Variants in UBN1 observed in about 807,000 individuals in gnomAD.
UBN1 encodes the protein ubinuclein-1.
In UBN1, 17 loss-of-function variants were observed where a neutral mutation model predicts 108.5. The ratio of observed to expected loss-of-function variants is 0.16; its 90% confidence interval spans 0.11 to 0.24. The LOEUF (loss-of-function observed/expected upper bound fraction) is 0.24. UBN1 is among the 10% of genes least tolerant of loss of function. UBN1 has a pLI of 1.00. For synonymous variants in UBN1, 726 were observed against 564.2 expected (o/e 1.29, Z -4.07); for missense variants, 1,595 against 1,394.4 (o/e 1.14, Z -2.29).
intron 6 of UBN1, 87 bp downstream of exon 6, chr16:4,860,055 T>C (rs1471243396): frequency 1.3e-5 from 20 of 1,554,274 alleles, no homozygotes; most frequent in Admixed American, 3.8e-5. Context: ...TCCCCACAGC[T>C]TCGGAAGAGG....
chr16:4,855,314 TAAA>T (rs1201842527), intron 2 of UBN1, among the ~76,000 whole-genome samples: 1 of 152,008 alleles, frequency 6.6e-6, no homozygotes, highest in Non-Finnish European at 1.5e-5. Flanking sequence ...TTCCTGAGAT[TAAA>T]AAAATGTGTT....
rs141416447 is a variant in UBN1, at chr16:4,851,795, C to T, written c.-39-1084C>T. On this transcript the variant is annotated intron_variant, in intron 1 of 17. Transcript: ENST00000262376. The stretch of plus-strand genomic sequence containing the variant: ...TGTGATTGGGCCACTGCTCTCTAGC[C>T]TGGATATAACAGCGAGACCCTAGCT... Among the ~76,000 whole-genome samples the T allele has an allele frequency of 2.6e-3, 401 of 151,786 alleles. 1 individual carries two copies. Among genetic ancestry groups the T allele is most frequent in the African/African-American group, 9.1e-3 (376 of 41,368 alleles).
Position 4,870,931 on chromosome 16 carries a change from A to G in UBN1, c.1518A>G (p.Ile506Met), listed in dbSNP as rs765910269. The G allele has an allele frequency of 6.2e-7, 1 of 1,614,114 alleles. No homozygotes were observed. The highest frequency in any genetic ancestry group is 1.7e-5 in the Admixed American group (1 of 60,026). The part of the protein sequence containing the change: ...EEDEEKGGRR[I>M]MGPRKKFQWN... ...ATGAAGAAAAAGGGGGCAGGAGGAT[A>G]ATGGGACCTCGGAAGAAGTTCCAAT... is the stretch of plus-strand genomic sequence containing the variant. The change falls in exon 11 of 18, where the codon ATA (isoleucine) becomes ATG (methionine). Residue 506 changes from isoleucine (I) to methionine (M), a missense_variant. Physicochemically the swap from Ile to Met is conservative, Grantham distance 10. Coordinates refer to ENST00000262376, the MANE Select transcript of UBN1 (RefSeq NM_001079514.3).
chr16:4,849,949 C>CAAAAAAAA (rs751842571), intron 1 of UBN1, among the ~76,000 whole-genome samples: 13,682 of 71,238 alleles, frequency 0.19, 1,574 homozygotes, highest in Admixed American at 0.26. Flanking sequence ...AACTGTCTCA[C>CAAAAAAAA]AAAAAAAAAA....
At chr16:4,853,310 A>G (rs1286177398) in intron 2 of UBN1, 144 bp downstream of exon 2, 7 of 1,170,160 alleles carry the variant, frequency 6.0e-6, no homozygotes, top group Middle Eastern at 2.9e-4. Flanking sequence ...GGCAAGCACA[A>G]GATTTGCTTC....
chr16:4,854,880 G>A (rs1051928637), intron 2 of UBN1, among the ~76,000 whole-genome samples: 20 of 151,906 alleles, frequency 1.3e-4, no homozygotes, highest in African/African-American at 3.9e-4. Context: ...CCGCCACCAC[G>A]TCTGGTTAAT....
chr16:4,859,356 C>T (rs1195016523), intron 5 of UBN1, among the ~76,000 whole-genome samples, 197 bp downstream of exon 5: 3 of 152,168 alleles, frequency 2.0e-5, no homozygotes, highest in Non-Finnish European at 2.9e-5. Context: ...CTCTGTTCAG[C>T]ACTTGGTCAT....
intron 3 of UBN1, 95 bp downstream of exon 3, chr16:4,858,171 G>T (rs1410420213): frequency 2.4e-6 from 2 of 841,514 alleles, no homozygotes; most frequent in Non-Finnish European, 3.9e-6. Flanking sequence ...AATAAACACT[G>T]ATCTGGAAGT....
intron 7 of UBN1, among the ~76,000 whole-genome samples, chr16:4,864,075 C>CTTTTTTTTTTTTTT (rs796516323): frequency 1.2e-5 from 1 of 86,430 alleles, no homozygotes; most frequent in African/African-American, 5.0e-5. Context: ...TTGTTGTTGC[C>CTTTTTTTTTTTTTT]TTTTTTTTTT....
In UBN1 at chr16:4,853,100, G is replaced by A. The variant is rs775415882; in HGVS notation, c.183G>A (p.Glu61=). The A allele has an allele frequency of 1.9e-6, 3 of 1,614,236 alleles. No individual in the cohort carries two copies. The highest frequency in any genetic ancestry group is 2.5e-6 in the Non-Finnish European group (3 of 1,180,050). ...AACCAGATCACAAACGCTGCCCAGAGTTCTTCTACCCAGAGCTGGTGAAGA... is the reference window on the plus strand; with the variant it reads ...AACCAGATCACAAACGCTGCCCAGAATTCTTCTACCCAGAGCTGGTGAAGA... ...LFEPDHKRCP[E]FFYPELVKNI... Residue 61 remains glutamate, a synonymous_variant, in exon 2 of 18, where the codon GAG becomes GAA. Coordinates refer to ENST00000262376, the MANE Select transcript of UBN1 (RefSeq NM_001079514.3).
intron 8 of UBN1, among the ~76,000 whole-genome samples, chr16:4,869,823 C>T (rs1210952751): frequency 6.6e-6 from 1 of 152,096 alleles, no homozygotes; most frequent in African/African-American, 2.4e-5. Flanking sequence ...GGTTGATAAA[C>T]GTGGGGACTG....
At chr16:4,856,151 T>C (rs1374971897) in intron 2 of UBN1, among the ~76,000 whole-genome samples, 6 of 152,220 alleles carry the variant, frequency 3.9e-5, no homozygotes, top group Non-Finnish European at 8.8e-5. Context: ...TTAATGTGTT[T>C]ATTCATGGGT....
chr16:4,861,978 A>G (rs1177728541), intron 7 of UBN1, among the ~76,000 whole-genome samples: 8 of 152,242 alleles, frequency 5.3e-5, no homozygotes, highest in African/African-American at 4.8e-5. Flanking sequence ...TTTAGGATCT[A>G]GCAGCTCTTG....
chr16:4,857,666 C>G (rs778477091), intron 2 of UBN1, among the ~76,000 whole-genome samples: 1 of 152,138 alleles, frequency 6.6e-6, no homozygotes, highest in Non-Finnish European at 1.5e-5. Flanking sequence ...TTAAGAGTTA[C>G]AAAGGAAGTC....
intron 10 of UBN1, 73 bp downstream of exon 10, chr16:4,870,707 C>G: frequency 6.3e-7 from 1 of 1,592,020 alleles, no homozygotes; most frequent in Non-Finnish European, 8.6e-7. Context: ...TCGGTGTGTA[C>G]TGCCGTTTCC....
intron 7 of UBN1, among the ~76,000 whole-genome samples, chr16:4,867,793 T>C (rs1321958224): frequency 1.3e-5 from 2 of 152,054 alleles, no homozygotes; most frequent in Non-Finnish European, 2.9e-5. Flanking sequence ...GGGTTAGCAG[T>C]GTCTGCAATT....
chr16:4,871,041 G>A (rs1245283697), intron 11 of UBN1, 69 bp downstream of exon 11: 1 of 1,605,330 alleles, frequency 6.2e-7, no homozygotes, highest in Non-Finnish European at 8.5e-7. Flanking sequence ...GTCCCCTATT[G>A]CTGACAAAGG....
chr16:4,874,320 C>G lies in UBN1; in HGVS notation c.1910C>G (p.Ser637Trp), dbSNP rs763780830. ...HQTGGLSIGA[S>W]SRELPSQASG... ...ACAGGAGGCCTGAGTATTGGGGCCT[C>G]GAGCAGGGAGCTCCCATCCCAGGCA... The change falls in exon 15 of 18, where the codon TCG (serine) becomes TGG (tryptophan). Residue 637 changes from serine to tryptophan, a missense_variant. Around this residue, in one of 3 missense-constraint regions of UBN1, gnomAD observed 1,398 missense variants for 1,194.7 expected, o/e 1.17. Coordinates refer to ENST00000262376, the MANE Select transcript of UBN1 (RefSeq NM_001079514.3). 6.2e-7 allele frequency: 1 copy of G among 1,614,008 alleles called. No individual in the cohort carries two copies. Among genetic ancestry groups the G allele is most frequent in the Non-Finnish European group, 8.5e-7 (1 of 1,180,028 alleles).
chr16:4,874,021 CA>C (rs979443606), intron 14 of UBN1, among the ~76,000 whole-genome samples, 189 bp from the exon 15 acceptor site: 2 of 152,160 alleles, frequency 1.3e-5, no homozygotes, highest in South Asian at 4.1e-4. Flanking sequence ...AGATACTCAC[CA>C]GGGGTGATGA....
Sources: allele counts gnomAD v4.1 joint callset (sites outside exome capture counted in the v4.1 genomes callset), GRCh38; gene constraint gnomAD v4.1.1; regional missense constraint gnomAD v4.1.1; transcripts MANE v1.5; gene names NCBI Gene and HGNC (gene_info 2026-07-23, HGNC 2026-07-21).